DNAI1: variants seen among roughly 807,000 people sequenced by gnomAD.
DNAI1 encodes the protein dynein, axonemal, intermediate polypeptide 1.
A neutral mutation model predicts 92.0 loss-of-function variants in DNAI1; 67 were observed. That is an observed-to-expected ratio of 0.73 (90% CI 0.60 to 0.89). The LOEUF (loss-of-function observed/expected upper bound fraction) is 0.89. DNAI1 is among the 40% of genes least tolerant of loss of function. DNAI1 has a pLI of 0.00. For missense variants in DNAI1, 839 were observed against 866.6 expected, an observed-to-expected ratio of 0.97 and a Z score of 0.40; for synonymous variants, 323 against 319.6, an observed-to-expected ratio of 1.01 and a Z score of -0.11.
intron 8 of DNAI1, among the ~76,000 whole-genome samples, chr9:34,492,033 C>T (rs550951866): frequency 2.6e-5 from 4 of 152,250 alleles, no homozygotes; most frequent in African/African-American, 9.6e-5. Flanking sequence ...GAGACCTGAT[C>T]TCAGACCTCA....
At position 34,491,501 on chromosome 9, in the gene DNAI1, G is replaced by A; in HGVS notation, c.628G>A (p.Glu210Lys). Residue 210 changes from glutamate (E) to lysine (K), a missense_variant, in exon 8 of 20, where the codon GAA becomes AAA. Transcript: ENST00000242317. ...QTYNNPVRDRECQTEPPPRTN... is the reference protein window; with the variant it reads ...QTYNNPVRDRKCQTEPPPRTN... Reference sequence around the variant, plus strand: ...CTGTTGTCTTGTTCTTTAGGATCGAGAATGCCAGACGGAGCCTCCTCCCAG... The same window carrying A: ...CTGTTGTCTTGTTCTTTAGGATCGAAAATGCCAGACGGAGCCTCCTCCCAG... The A allele has an allele frequency of 6.2e-7, 1 of 1,614,194 alleles. No homozygotes were observed. The highest frequency in any genetic ancestry group is 1.6e-4 in the Middle Eastern group (1 of 6,062).
At chr9:34,468,632 C>A (rs1400989408) in intron 1 of DNAI1, among the ~76,000 whole-genome samples, 1 of 151,722 alleles carries the variant, frequency 6.6e-6, no homozygotes, top group Non-Finnish European at 1.5e-5. Context: ...TTGAGACCAA[C>A]CTGGGCAACA....
chr9:34,519,063 C>CT (rs1318880475), intron 19 of DNAI1, among the ~76,000 whole-genome samples: 1 of 152,198 alleles, frequency 6.6e-6, no homozygotes, highest in Non-Finnish European at 1.5e-5. Context: ...ACCTACGTCT[C>CT]TGAGGACCTG....
At chr9:34,481,585 A>T (rs980893529) in intron 1 of DNAI1, among the ~76,000 whole-genome samples, 2 of 152,184 alleles carry the variant, frequency 1.3e-5, no homozygotes, top group African/African-American at 4.8e-5. Context: ...TATAGCTCTT[A>T]AGGTGGTGCG....
In DNAI1 at chr9:34,500,797, A is replaced by G; in HGVS notation, c.977A>G (p.Gln326Arg). 6.2e-7 allele frequency: 1 copy of G among 1,614,158 alleles called. No homozygotes were observed. The highest frequency in any genetic ancestry group is 8.5e-7 in the Non-Finnish European group (1 of 1,180,012). The change falls in exon 11 of 20, where the codon CAA becomes CGA. Residue 326 changes from glutamine to arginine, a missense_variant. Transcript: ENST00000242317. ...ACCCTGCTGCCGCTCTGGAAGTTCC[A>G]AAATGACAAAGCCAAGCGCCTGTCC... ...VGTLLPLWKF[Q>R]NDKAKRLSVT...
chr9:34,512,356 A>G lies in DNAI1; in HGVS notation c.1421A>G (p.Asp474Gly). 1 of 1,614,012 alleles carries G rather than the reference A, an allele frequency of 6.2e-7. No individual in the cohort carries two copies. Among genetic ancestry groups the G allele is most frequent in the South Asian group, 1.1e-5 (1 of 91,078 alleles). The part of the protein sequence containing the change: ...TLVKRKLVHI[D>G]VIKLKVEGST... The stretch of plus-strand genomic sequence containing the variant: ...CTACAGAGAAAGCTGGTTCACATAG[A>G]TGTCATCAAGCTGAAGGTGGAAGGC... Residue 474 changes from aspartate to glycine, a missense_variant, in exon 15 of 20, where the codon GAT becomes GGT. Transcript: ENST00000242317.
At chr9:34,510,737 C>T (rs1354384698) in intron 13 of DNAI1, among the ~76,000 whole-genome samples, 8 of 152,154 alleles carry the variant, frequency 5.3e-5, no homozygotes, top group Non-Finnish European at 1.2e-4. Context: ...CTTCCCTTTG[C>T]AGCTCCCTAG....
chr9:34,477,092 T>C (rs1317073502), intron 1 of DNAI1, among the ~76,000 whole-genome samples: 1 of 152,140 alleles, frequency 6.6e-6, no homozygotes, highest in East Asian at 1.9e-4. Flanking sequence ...CATAGCGCAC[T>C]GCAGCCTTGA....
At chr9:34,483,714 AAG>A (rs1824419218) in intron 2 of DNAI1, among the ~76,000 whole-genome samples, 1 of 152,196 alleles carries the variant, frequency 6.6e-6, no homozygotes, top group Non-Finnish European at 1.5e-5. Context: ...TTGGAGGAAT[AAG>A]AGAGATATAT....
At chr9:34,483,583 G>A (rs1261121116) in intron 2 of DNAI1, 103 bp downstream of exon 2, 3 of 1,185,098 alleles carry the variant, frequency 2.5e-6, no homozygotes, top group Non-Finnish European at 3.6e-6. Flanking sequence ...TGAACTAAAA[G>A]AAGAATGTTA....
At position 34,490,124 on chromosome 9, in the gene DNAI1, G is replaced by A; in HGVS notation, c.501G>A (p.Gly167=). The A allele has an allele frequency of 6.2e-7, 1 of 1,613,924 alleles. No homozygotes were observed. The highest frequency in any genetic ancestry group is 8.5e-7 in the Non-Finnish European group (1 of 1,179,954). ...GTCAAACAGATGTGCCTGCAGCTGG[G>A]GTACAGTATAATATCGCTCTGTGTC... ...PGSQTDVPAA[G]AAEKVTEEEL... The change falls in exon 6 of 20, where the codon GGG becomes GGA. Residue 167 remains glycine, a splice_region_variant and synonymous_variant. Coordinates refer to ENST00000242317, the MANE Select transcript of DNAI1 (RefSeq NM_012144.4).
chr9:34,518,711 A>G (rs1825215404), intron 19 of DNAI1, among the ~76,000 whole-genome samples: 1 of 152,208 alleles, frequency 6.6e-6, no homozygotes, highest in African/African-American at 2.4e-5. Flanking sequence ...AGGAGGGATG[A>G]TGGTCATTCT....
At chr9:34,470,084 T>G (rs1481527153) in intron 1 of DNAI1, among the ~76,000 whole-genome samples, 1 of 152,224 alleles carries the variant, frequency 6.6e-6, no homozygotes, top group Non-Finnish European at 1.5e-5. Flanking sequence ...ATATTTATTT[T>G]TAGTAGACTA....
At chr9:34,469,593 T>G (rs147461159) in intron 1 of DNAI1, among the ~76,000 whole-genome samples, 7 of 152,180 alleles carry the variant, frequency 4.6e-5, no homozygotes, top group Non-Finnish European at 4.4e-5. Flanking sequence ...TTTTTGGTTG[T>G]TTGAGACAGA....
intron 1 of DNAI1, among the ~76,000 whole-genome samples, chr9:34,472,160 G>A (rs1824148944): frequency 6.6e-6 from 1 of 152,202 alleles, no homozygotes; most frequent in Non-Finnish European, 1.5e-5. Flanking sequence ...ATTGCCACTA[G>A]TACTTGAGGG....
Position 34,519,078 on chromosome 9 carries a change from G to C in DNAI1, c.2002-1580G>C, listed in dbSNP as rs942380508. ...ACCTACGTCTCTGAGGACCTGAGAA[G>C]GGACAGGTGGGGGCTGGTGGGTACT... On this transcript the variant is annotated intron_variant, in intron 19 of 19. Transcript: ENST00000242317. Among the ~76,000 whole-genome samples, 2 of 152,228 alleles carry C rather than the reference G, an allele frequency of 1.3e-5. 1 individual carries two copies. Among genetic ancestry groups the C allele is most frequent in the South Asian group, 4.1e-4 (2 of 4,834 alleles).
chr9:34,491,939 G>A (rs1378652447), intron 8 of DNAI1, among the ~76,000 whole-genome samples: 1 of 152,184 alleles, frequency 6.6e-6, no homozygotes, highest in African/African-American at 2.4e-5. Flanking sequence ...CCTCCCAGCA[G>A]CCTTCAGTGT....
At chr9:34,511,250 A>AG (rs1825059576) in intron 13 of DNAI1, among the ~76,000 whole-genome samples, 1 of 152,172 alleles carries the variant, frequency 6.6e-6, no homozygotes, top group Admixed American at 6.5e-5. Context: ...CTTGAGTCTC[A>AG]AGCGTGTCAT....
chr9:34,497,085 T>C (rs376719921), intron 9 of DNAI1, 30 bp from the exon 10 acceptor site: 3 of 1,580,388 alleles, frequency 1.9e-6, no homozygotes, highest in Non-Finnish European at 2.6e-6. Context: ...TGCTGGTTTA[T>C]GAGGACCTGA....
Sources: gnomAD v4.1 joint callset for allele counts (sites outside exome capture counted in the v4.1 genomes callset) on GRCh38, gnomAD v4.1.1 for gene constraint, MANE v1.5 for transcripts, NCBI Gene and HGNC (gene_info 2026-07-23, HGNC 2026-07-21) for gene names.